Variants in AKAP6 observed in about 807,000 individuals in gnomAD.
AKAP6 encodes A-kinase anchor protein 6.
In AKAP6, 58 loss-of-function variants were observed where a neutral mutation model predicts 188.5. The observed-to-expected ratio is 0.31, with a 90% CI of 0.25 to 0.38. AKAP6 has a LOEUF of 0.38. Among genes scored for constraint, AKAP6 ranks in the 10% least tolerant of loss-of-function variants. The pLI, the probability that AKAP6 is intolerant of heterozygous loss-of-function variation, is 1.00. For missense variants in AKAP6, 2,710 were observed against 2,740.0 expected, an observed-to-expected ratio of 0.99 and a Z score of 0.24; for synonymous variants, 989 against 998.6, an observed-to-expected ratio of 0.99 and a Z score of 0.18.
At chr14:32,689,985 T>C (rs967979388) in intron 8 of AKAP6, among the ~76,000 whole-genome samples, 1 of 151,492 alleles carries the variant, frequency 6.6e-6, no homozygotes, top group Admixed American at 6.6e-5. Flanking sequence ...TATAGACAGG[T>C]GGTATTTCAG....
At chr14:32,453,764 T>A (rs992231886) in intron 2 of AKAP6, among the ~76,000 whole-genome samples, 1 of 149,846 alleles carries the variant, frequency 6.7e-6, no homozygotes, top group African/African-American at 2.4e-5. Flanking sequence ...GCCCGGCTAA[T>A]TTTTTTGTAT....
intron 1 of AKAP6, among the ~76,000 whole-genome samples, chr14:32,399,791 C>T (rs967420717): frequency 7.9e-5 from 12 of 152,098 alleles, no homozygotes; most frequent in African/African-American, 2.9e-4. Flanking sequence ...GTTTTTAATT[C>T]CCTTTTAGAC....
intron 7 of AKAP6, among the ~76,000 whole-genome samples, chr14:32,647,110 G>A (rs556185408): frequency 6.6e-6 from 1 of 152,068 alleles, no homozygotes; most frequent in Non-Finnish European, 1.5e-5. Context: ...CTTGACAAGT[G>A]CATGCTGTTT....
chr14:32,593,461 A>G (rs1885568166), intron 5 of AKAP6, among the ~76,000 whole-genome samples: 1 of 152,212 alleles, frequency 6.6e-6, no homozygotes, highest in African/African-American at 2.4e-5. Context: ...TTGCAGACTC[A>G]GGATGAGACA....
chr14:32,540,166 C>CTATATATATA (rs1459842154), intron 3 of AKAP6, among the ~76,000 whole-genome samples: 3 of 87,414 alleles, frequency 3.4e-5, no homozygotes, highest in African/African-American at 6.2e-5. Flanking sequence ...CTCTCTCTCT[C>CTATATATATA]TCTATATATA....
chr14:32,577,529 C>T (rs1230521005), intron 5 of AKAP6, among the ~76,000 whole-genome samples: 1 of 152,028 alleles, frequency 6.6e-6, no homozygotes, highest in Non-Finnish European at 1.5e-5. Flanking sequence ...TCTAAAGCAG[C>T]AACTGAAGGT....
chr14:32,826,436 G>T (rs2034675443), intron 13 of AKAP6, among the ~76,000 whole-genome samples: 1 of 152,186 alleles, frequency 6.6e-6, no homozygotes, highest in South Asian at 2.1e-4. Context: ...TTCAAAACAA[G>T]TCCTATTAGA....
At chr14:32,536,796 A>G (rs1468658215) in intron 3 of AKAP6, among the ~76,000 whole-genome samples, 1 of 152,174 alleles carries the variant, frequency 6.6e-6, no homozygotes, top group African/African-American at 2.4e-5. Context: ...TTATAGAAAA[A>G]AAAGTGTTTT....
chr14:32,548,243 A>G (rs1051015334), intron 4 of AKAP6, among the ~76,000 whole-genome samples: 2 of 151,942 alleles, frequency 1.3e-5, no homozygotes, highest in African/African-American at 2.4e-5. Flanking sequence ...CTGGGATTAT[A>G]GGCCCCCACA....
Position 32,573,807 on chromosome 14 carries a change from ATGGGC to A in AKAP6, c.2347-3312_2347-3308del, listed in dbSNP as rs145437731. 3.8e-3 allele frequency among the ~76,000 whole-genome samples: 582 copies of A among 152,254 alleles called. 19 individuals are homozygous for A. In the East Asian group the frequency reaches 0.096, roughly 25 times the overall value. Reference sequence around the variant, plus strand: ...AAAGATGCCAGCAGAGCTTCTGAAAATGGGCATCAAGTATTTGTTGTGTGTGTCCA... The same window carrying A: ...AAAGATGCCAGCAGAGCTTCTGAAAAATCAAGTATTTGTTGTGTGTGTCCA... On this transcript the variant is annotated intron_variant, in intron 4 of 13. Coordinates refer to ENST00000280979, the MANE Select transcript of AKAP6 (RefSeq NM_004274.5).
chr14:32,777,844 C>T (rs1222170503), intron 12 of AKAP6, among the ~76,000 whole-genome samples: 1 of 152,056 alleles, frequency 6.6e-6, no homozygotes, highest in Non-Finnish European at 1.5e-5. Context: ...TCAAGACCAA[C>T]CTGGGCAACA....
rs542668498 is a variant in AKAP6, at chr14:32,662,232, T to C, written c.2731-16079T>C. 5.3e-5 allele frequency among the ~76,000 whole-genome samples: 8 copies of C among 152,246 alleles called. No homozygotes were observed. In the South Asian group the frequency reaches 1.7e-3, roughly 32 times the overall value. On this transcript the variant is annotated intron_variant, in intron 7 of 13. Transcript: ENST00000280979. ...ATATCCTGTAAAATGGCAGAGAGGT[T>C]CATTTTGGGCATGGGATTCTGACTA...
At chr14:32,422,341 T>C (rs1196526283) in intron 1 of AKAP6, among the ~76,000 whole-genome samples, 1 of 152,106 alleles carries the variant, frequency 6.6e-6, no homozygotes, top group Non-Finnish European at 1.5e-5. Context: ...GATAATACAC[T>C]AGAACAACTC....
intron 11 of AKAP6, among the ~76,000 whole-genome samples, chr14:32,758,427 T>C (rs557571642): frequency 1.3e-5 from 2 of 152,298 alleles, no homozygotes; most frequent in East Asian, 3.9e-4. Flanking sequence ...CTGTATCATT[T>C]GATGCATAGA....
In AKAP6 at chr14:32,692,331, A is replaced by G. The variant is rs958628229; in HGVS notation, c.2880-3659A>G. Among the ~76,000 whole-genome samples, 7 of 152,264 alleles carry G rather than the reference A, an allele frequency of 4.6e-5. No homozygotes were observed. The East Asian group carries it at 1.3e-3, about 29-fold the overall frequency. On this transcript the variant is annotated intron_variant, in intron 8 of 13. Coordinates refer to ENST00000280979, the MANE Select transcript of AKAP6 (RefSeq NM_004274.5). The stretch of plus-strand genomic sequence containing the variant: ...AGTGAAAAAATTCCCATGCTTCAGA[A>G]CATTTTATTATTTTATATATTTTTT...
chr14:32,429,873 A>C (rs1259874742), intron 1 of AKAP6, among the ~76,000 whole-genome samples: 3 of 152,176 alleles, frequency 2.0e-5, no homozygotes, highest in African/African-American at 7.2e-5. Context: ...TATAGGATGC[A>C]CATCTTCTCC....
chr14:32,642,371 G>C (rs546762059), intron 7 of AKAP6, among the ~76,000 whole-genome samples: 2 of 152,090 alleles, frequency 1.3e-5, no homozygotes, highest in African/African-American at 4.8e-5. Flanking sequence ...CAATTTTATC[G>C]CTAATAGATT....
intron 2 of AKAP6, chr14:32,442,483 C>T (rs769929790): frequency 6.6e-6 from 1 of 152,046 alleles, no homozygotes. Context: ...ATGGTGACCT[C>T]CTGGAAGCAG....
intron 5 of AKAP6, among the ~76,000 whole-genome samples, chr14:32,583,915 C>G (rs991865687): frequency 3.3e-5 from 5 of 152,238 alleles, no homozygotes; most frequent in African/African-American, 1.2e-4. Context: ...AACTCCCTGA[C>G]CCCTCACGAT....
Sources: allele counts gnomAD v4.1 joint callset (sites outside exome capture counted in the v4.1 genomes callset), GRCh38; gene constraint gnomAD v4.1.1; transcripts MANE v1.5; gene names NCBI Gene and HGNC (gene_info 2026-07-23, HGNC 2026-07-21).